Variants in ST6GALNAC3 observed in about 807,000 individuals in gnomAD.
The protein encoded by ST6GALNAC3 is alpha-N-acetylgalactosaminide alpha-2,6-sialyltransferase 3.
ST6GALNAC3 carries 25 observed loss-of-function variants against 32.7 expected under a neutral mutation model. The ratio of observed to expected loss-of-function variants is 0.76; its 90% CI spans 0.56 to 1.07. The LOEUF (loss-of-function observed/expected upper bound fraction) is 1.07, where lower values mean the gene tolerates loss of function less well. Among genes scored for constraint, ST6GALNAC3 ranks in the 50% least tolerant of loss-of-function variants. The pLI is 0.00. For missense variants in ST6GALNAC3, 355 were observed against 382.4 expected, an observed-to-expected ratio of 0.93 and a Z score of 0.60; for synonymous variants, 129 against 133.1, an observed-to-expected ratio of 0.97 and a Z score of 0.21.
chr1:76,247,490 G>A (rs1472250940), intron 1 of ST6GALNAC3, among the ~76,000 whole-genome samples: 1 of 152,122 alleles, frequency 6.6e-6, no homozygotes, highest in Non-Finnish European at 1.5e-5. Flanking sequence ...CCCCTGACTG[G>A]GGCTGCTGCA....
At position 76,586,293 on chromosome 1, in the gene ST6GALNAC3, G is replaced by A. The variant is rs185021043; in HGVS notation, c.624-41159G>A. Among the ~76,000 whole-genome samples, 39 of 152,220 alleles carry A rather than the reference G, an allele frequency of 2.6e-4. 1 individual carries two copies. The highest frequency in any genetic ancestry group is 1.2e-3 in the Admixed American group (18 of 15,284). ...AAATCCATGGACCTTCTTGCACTGC[G>A]GAGTGAATATTACCTCTTGTGTTTC... On this transcript the variant is annotated intron_variant, in intron 3 of 4. Transcript: ENST00000328299.
At chr1:76,554,277 T>C (rs559309039) in intron 3 of ST6GALNAC3, among the ~76,000 whole-genome samples, 1 of 152,294 alleles carries the variant, frequency 6.6e-6, no homozygotes, top group African/African-American at 2.4e-5. Context: ...ATTTGACAGA[T>C]AAAGTGCATC....
chr1:76,303,605 A>AAATAAGCT (rs1210062100), intron 1 of ST6GALNAC3, among the ~76,000 whole-genome samples: 1 of 152,100 alleles, frequency 6.6e-6, no homozygotes, highest in Non-Finnish European at 1.5e-5. Flanking sequence ...TTCCACTAAA[A>AAATAAGCT]AATAAGCTAT....
Position 76,477,692 on chromosome 1 carries a change from C to G in ST6GALNAC3, c.623+65275C>G, listed in dbSNP as rs1659445345. On this transcript the variant is annotated intron_variant, in intron 3 of 4. Coordinates refer to ENST00000328299, the MANE Select transcript of ST6GALNAC3 (RefSeq NM_152996.4). ...CCCTGCATTCTTGGGGCTCTTCACT[C>G]TGTGTATTCTCAGGGCAAGGGTTGT... is the stretch of plus-strand genomic sequence containing the variant. Among the ~76,000 whole-genome samples, 3 of 152,302 alleles carry G rather than the reference C, an allele frequency of 2.0e-5. No individual in the cohort carries two copies. In the South Asian group the frequency reaches 6.2e-4, roughly 32 times the overall value.
intron 1 of ST6GALNAC3, among the ~76,000 whole-genome samples, chr1:76,104,330 A>G (rs1348968610): frequency 1.3e-5 from 2 of 152,216 alleles, no homozygotes; most frequent in African/African-American, 4.8e-5. Context: ...TTCTGGAAGC[A>G]TCTGATTTTA....
intron 2 of ST6GALNAC3, among the ~76,000 whole-genome samples, chr1:76,316,860 CAAAACA>C (rs1646875991): frequency 6.6e-6 from 1 of 152,022 alleles, no homozygotes; most frequent in Non-Finnish European, 1.5e-5. Flanking sequence ...AGGAATCATA[CAAAACA>C]ATTCACCTAA....
intron 1 of ST6GALNAC3, among the ~76,000 whole-genome samples, chr1:76,172,443 T>A (rs1652582434): frequency 6.6e-6 from 1 of 152,172 alleles, no homozygotes; most frequent in African/African-American, 2.4e-5. Context: ...CAGGATGTCC[T>A]CTCTCACCAC....
At chr1:76,204,932 A>T (rs1246059553) in intron 1 of ST6GALNAC3, among the ~76,000 whole-genome samples, 2 of 152,132 alleles carry the variant, frequency 1.3e-5, no homozygotes, top group Admixed American at 6.5e-5. Flanking sequence ...AGATGAATTG[A>T]TATATGCAAA....
At chr1:76,626,316 T>C (rs1409794256) in intron 3 of ST6GALNAC3, among the ~76,000 whole-genome samples, 2 of 151,874 alleles carry the variant, frequency 1.3e-5, no homozygotes, top group Non-Finnish European at 2.9e-5. Context: ...TTAATCTTTT[T>C]CAGAGGTGTT....
At chr1:76,329,437 T>C (rs1223782436) in intron 2 of ST6GALNAC3, among the ~76,000 whole-genome samples, 1 of 152,196 alleles carries the variant, frequency 6.6e-6, no homozygotes, top group African/African-American at 2.4e-5. Flanking sequence ...GTGGTATAAC[T>C]GCTAGAAAAA....
At chr1:76,340,800 A>G (rs1186415278) in intron 2 of ST6GALNAC3, among the ~76,000 whole-genome samples, 1 of 152,062 alleles carries the variant, frequency 6.6e-6, no homozygotes, top group Non-Finnish European at 1.5e-5. Flanking sequence ...GGATTAGAGA[A>G]GACACCTCTC....
At chr1:76,438,066 G>T (rs1192410253) in intron 3 of ST6GALNAC3, among the ~76,000 whole-genome samples, 1 of 149,802 alleles carries the variant, frequency 6.7e-6, no homozygotes, top group Admixed American at 6.6e-5. Flanking sequence ...TATAGAGAAG[G>T]GTTCATTTAA....
At chr1:76,174,816 G>A (rs549289085) in intron 1 of ST6GALNAC3, among the ~76,000 whole-genome samples, 25 of 151,766 alleles carry the variant, frequency 1.6e-4, no homozygotes, top group Non-Finnish European at 2.8e-4. Flanking sequence ...ACAGGTGCCC[G>A]CCACCATACC....
At chr1:76,262,701 T>C (rs1311280194) in intron 1 of ST6GALNAC3, among the ~76,000 whole-genome samples, 3 of 152,072 alleles carry the variant, frequency 2.0e-5, no homozygotes, top group Non-Finnish European at 4.4e-5. Flanking sequence ...TAGAGACAAA[T>C]TGACAAACAA....
chr1:76,542,646 TTCCCTAAGGAC>T (rs993502976), intron 3 of ST6GALNAC3, among the ~76,000 whole-genome samples: 2 of 152,138 alleles, frequency 1.3e-5, no homozygotes, highest in African/African-American at 4.8e-5. Context: ...GGGTAATCAT[TTCCCTAAGGAC>T]CAAATGTGCT....
chr1:76,376,828 A>G (rs1398793653), intron 2 of ST6GALNAC3, among the ~76,000 whole-genome samples: 1 of 151,982 alleles, frequency 6.6e-6, no homozygotes, highest in Non-Finnish European at 1.5e-5. Flanking sequence ...GTCTTTTCTT[A>G]TCTTCCTCCG....
Position 76,484,722 on chromosome 1 carries a change from C to T in ST6GALNAC3, c.623+72305C>T, listed in dbSNP as rs140217514. 8.2e-3 allele frequency among the ~76,000 whole-genome samples: 1,244 copies of T among 152,238 alleles called. 21 individuals are homozygous for T. Among genetic ancestry groups the T allele is most frequent in the African/African-American group, 0.028 (1,159 of 41,518 alleles). The stretch of plus-strand genomic sequence containing the variant: ...AACTGAATACCCTTTCTTTCTTTCT[C>T]CTGCCTGAATGCCCTGGCCAGAACT... On this transcript the variant is annotated intron_variant, in intron 3 of 4. Transcript: ENST00000328299.
intron 1 of ST6GALNAC3, among the ~76,000 whole-genome samples, chr1:76,081,479 A>G (rs570730660): frequency 1.1e-3 from 168 of 152,164 alleles, no homozygotes; most frequent in African/African-American, 4.0e-3. Context: ...ACCATCTTCT[A>G]CCCCAGACAA....
intron 2 of ST6GALNAC3, among the ~76,000 whole-genome samples, chr1:76,383,165 A>G (rs1305235832): frequency 1.3e-5 from 2 of 152,210 alleles, no homozygotes; most frequent in Non-Finnish European, 2.9e-5. Flanking sequence ...ATTCTATATC[A>G]AGTGAAAATA....
Sources: allele counts gnomAD v4.1 joint callset (sites outside exome capture counted in the v4.1 genomes callset), GRCh38; gene constraint gnomAD v4.1.1; transcripts MANE v1.5; gene names NCBI Gene and HGNC (gene_info 2026-07-23, HGNC 2026-07-21).